The following PGM2L1 variants were observed in gnomAD, a reference collection of about 807,000 sequenced individuals.
PGM2L1 encodes glucose 1,6-bisphosphate synthase.
Under a neutral mutation model 73.4 loss-of-function variants are expected in PGM2L1, and 35 were observed. The observed-to-expected ratio is 0.48, with a 90% CI of 0.36 to 0.63. The LOEUF is 0.63. Among genes scored for constraint, PGM2L1 ranks in the 30% least tolerant of loss-of-function variants. The pLI is 0.00. For synonymous variants in PGM2L1, 225 were observed against 253.8 expected, an observed-to-expected ratio of 0.89 and a Z score of 1.08; for missense variants, 570 against 742.0, an observed-to-expected ratio of 0.77 and a Z score of 2.69.
chr11:74,371,614 A>G, intron 3 of PGM2L1, 97 bp downstream of exon 3: 1 of 880,392 alleles, frequency 1.1e-6, no homozygotes, highest in Admixed American at 2.0e-5. Flanking sequence ...TCTATCTGAC[A>G]GTCTACTGTT....
At chr11:74,393,590 G>A (rs1360641197) in intron 1 of PGM2L1, among the ~76,000 whole-genome samples, 2 of 152,170 alleles carry the variant, frequency 1.3e-5, no homozygotes, top group Non-Finnish European at 2.9e-5. Context: ...TCCATTTTCA[G>A]GCTTTTTATA....
At position 74,351,423 on chromosome 11, in the gene PGM2L1, T is replaced by C; in HGVS notation, c.709A>G (p.Arg237Gly). The change falls in exon 6 of 14, where the codon AGG becomes GGG. Residue 237 changes from arginine to glycine, a missense_variant. By Grantham distance (125) the Arg-to-Gly change is moderately radical. Coordinates refer to ENST00000298198, the MANE Select transcript of PGM2L1 (RefSeq NM_173582.6). ...LKRDPLQDICRRYMEDLKKIC... is the reference protein window; with the variant it reads ...LKRDPLQDICGRYMEDLKKIC... ...TTTTTCAGATCTTCCATGTATCTCC[T>C]GCAAATGTCCTGCAGAGGGTCTCTC... The C allele has an allele frequency of 1.2e-6, 2 of 1,613,974 alleles. No individual in the cohort carries two copies. Among genetic ancestry groups the C allele is most frequent in the Non-Finnish European group, 1.7e-6 (2 of 1,179,996 alleles).
In PGM2L1 at chr11:74,398,433, T is replaced by C. The variant is rs1401827559; in HGVS notation, c.-272A>G. 8.5e-6 allele frequency: 3 copies of C among 354,750 alleles called. No individual in the cohort carries two copies. In the East Asian group the frequency reaches 1.7e-4, roughly 20 times the overall value. 22.0% of individuals were successfully genotyped at this position (354,750 alleles called of 1,614,324 possible). ...GCCGCGAGAGAACAACAGTCCCAGA[T>C]GTCTGGGTCCTGGCTCCGCCGCCGC... On this transcript the variant is annotated 5_prime_UTR_variant, in exon 1 of 14. Coordinates refer to ENST00000298198, the MANE Select transcript of PGM2L1 (RefSeq NM_173582.6).
At chr11:74,362,163 T>C (rs568393) in intron 5 of PGM2L1, among the ~76,000 whole-genome samples, 133,954 of 152,256 alleles carry the variant, frequency 0.88, 59,249 homozygotes, top group African/African-American at 0.97. Context: ...GTTGGGTTAC[T>C]CACAAAGGGA....
intron 1 of PGM2L1, among the ~76,000 whole-genome samples, chr11:74,397,165 T>G (rs1863189280): frequency 6.6e-6 from 1 of 152,248 alleles, no homozygotes; most frequent in Admixed American, 6.5e-5. Context: ...CCATTTTAAA[T>G]GTGCTGCCTT....
chr11:74,397,743 TGA>T (rs1158165455), intron 1 of PGM2L1: 115 of 216,338 alleles, frequency 5.3e-4, no homozygotes, highest in African/African-American at 3.3e-3. Flanking sequence ...ACAATGATGA[TGA>T]TTTTTTTTTT....
Position 74,370,915 on chromosome 11 carries a change from GGAACA to G in PGM2L1, c.453_457del (p.Val152TyrfsTer46). 6.8e-6 allele frequency: 11 copies of G among 1,610,874 alleles called. No individual in the cohort carries two copies. The highest frequency in any genetic ancestry group is 9.3e-6 in the Non-Finnish European group (11 of 1,177,460). On this transcript the variant is annotated frameshift_variant, in exon 4 of 14. Coordinates refer to ENST00000298198, the MANE Select transcript of PGM2L1 (RefSeq NM_173582.6). LOFTEE classifies it high-confidence loss of function. Reference sequence around the variant, plus strand: ...CAACACACTTACTACAAAAGGTGTAGGAACATATCTTGAAAAAAGGTACACAGGAA... The same window carrying G: ...CAACACACTTACTACAAAAGGTGTAGTATCTTGAAAAAAGGTACACAGGAA...
intron 1 of PGM2L1, among the ~76,000 whole-genome samples, chr11:74,381,357 A>T (rs1318286816): frequency 1.3e-5 from 2 of 151,950 alleles, no homozygotes. Flanking sequence ...CTCTTTCCCC[A>T]TTTACCCATT....
At chr11:74,350,808 C>T (rs934774570) in intron 6 of PGM2L1, among the ~76,000 whole-genome samples, 7 of 151,934 alleles carry the variant, frequency 4.6e-5, no homozygotes, top group East Asian at 3.9e-4. Flanking sequence ...ACCCAGGAAG[C>T]GGAGGTTGCA....
intron 5 of PGM2L1, 81 bp downstream of exon 5, chr11:74,368,411 T>A: frequency 7.9e-7 from 1 of 1,261,990 alleles, no homozygotes; most frequent in African/African-American, 1.5e-5. Flanking sequence ...CTCTCCAGTA[T>A]AGAAAACATA....
At chr11:74,359,815 T>G (rs2134911122) in intron 5 of PGM2L1, among the ~76,000 whole-genome samples, 1 of 152,290 alleles carries the variant, frequency 6.6e-6, no homozygotes, top group East Asian at 1.9e-4. Context: ...TGAGAAACTG[T>G]ACTAGGGGAC....
chr11:74,398,272 C>T lies in PGM2L1; in HGVS notation c.-111G>A, dbSNP rs1267039677. The T allele has an allele frequency of 5.8e-6, 8 of 1,390,864 alleles. No individual in the cohort carries two copies. Among genetic ancestry groups the T allele is most frequent in the Non-Finnish European group, 7.5e-6 (8 of 1,064,036 alleles). The allele number at this position is 1,390,864 out of a possible 1,614,324, so 86.2% of individuals were successfully genotyped here. On this transcript the variant is annotated 5_prime_UTR_variant, in exon 1 of 14. The change abolishes an upstream ATG in the 5' untranslated region. Transcript: ENST00000298198. Reference sequence around the variant, plus strand: ...CAGGCGTCCCCACCTCACTGAAGGGCATCGGAGACCAACCGCAGGGTGTTC... The same window carrying T: ...CAGGCGTCCCCACCTCACTGAAGGGTATCGGAGACCAACCGCAGGGTGTTC...
intron 1 of PGM2L1, chr11:74,397,500 A>G (rs1863194128): frequency 6.6e-6 from 1 of 152,392 alleles, no homozygotes; most frequent in African/African-American, 2.4e-5. Flanking sequence ...AGGAGAAAGA[A>G]GAGGTAAGCG....
intron 1 of PGM2L1, among the ~76,000 whole-genome samples, chr11:74,376,568 A>G (rs994855833): frequency 2.6e-5 from 4 of 151,468 alleles, no homozygotes; most frequent in African/African-American, 9.7e-5. Flanking sequence ...TAATGAGTAT[A>G]TATGTGTATA....
In PGM2L1 at chr11:74,347,270, C is replaced by T. The variant is rs1482805477; in HGVS notation, c.817G>A (p.Val273Met). 6.2e-7 allele frequency: 1 copy of T among 1,613,028 alleles called. No homozygotes were observed. The highest frequency in any genetic ancestry group is 8.5e-7 in the Non-Finnish European group (1 of 1,179,418). ...TSFHGVGHDY[V>M]QLAFKVFGFK... ...CCAAACACTTTAAAAGCCAACTGCACATAGTCATGTCCGACCCCATGAAAA... is the reference window on the plus strand; with the variant it reads ...CCAAACACTTTAAAAGCCAACTGCATATAGTCATGTCCGACCCCATGAAAA... The change falls in exon 7 of 14, where the codon GTG (valine) becomes ATG (methionine). Residue 273 changes from valine to methionine, a missense_variant. Val to Met is a conservative substitution (Grantham distance 21). Coordinates refer to ENST00000298198, the MANE Select transcript of PGM2L1 (RefSeq NM_173582.6).
At chr11:74,396,099 A>G (rs11236095) in intron 1 of PGM2L1, among the ~76,000 whole-genome samples, 1 of 150,794 alleles carries the variant, frequency 6.6e-6, no homozygotes, top group Non-Finnish European at 1.5e-5. Flanking sequence ...AAAAAAAAAA[A>G]TTTTTTTTAA....
chr11:74,337,264 G>T (rs748160908), intron 13 of PGM2L1, among the ~76,000 whole-genome samples: 3 of 152,210 alleles, frequency 2.0e-5, no homozygotes, highest in South Asian at 4.1e-4. Flanking sequence ...ACATTTCGAG[G>T]CAAGCCTCTT....
chr11:74,343,480 T>C (rs1591166439), intron 9 of PGM2L1, 64 bp from the exon 10 acceptor site: 6 of 1,572,424 alleles, frequency 3.8e-6, no homozygotes. Context: ...TAGAGAAAAA[T>C]CTGCCACTAC....
At chr11:74,364,012 C>T (rs1862611536) in intron 5 of PGM2L1, among the ~76,000 whole-genome samples, 1 of 152,118 alleles carries the variant, frequency 6.6e-6, no homozygotes, top group Admixed American at 6.5e-5. Flanking sequence ...AAAGCTTATC[C>T]ACCATGATCA....
Sources: gnomAD v4.1 joint callset for allele counts (sites outside exome capture counted in the v4.1 genomes callset) on GRCh38, gnomAD v4.1.1 for gene constraint, MANE v1.5 for transcripts, NCBI Gene and HGNC (gene_info 2026-07-23, HGNC 2026-07-21) for gene names.